CHD1L: variants seen among roughly 807,000 people sequenced by gnomAD.
CHD1L encodes the protein chromodomain helicase DNA binding protein 1 like.
Under a neutral mutation model 115.9 loss-of-function variants are expected in CHD1L, and 118 were observed. The ratio of observed to expected loss-of-function variants is 1.02; its 90% CI spans 0.88 to 1.19. The LOEUF is 1.19. Ranked by LOEUF, CHD1L falls within the 50% of genes most tolerant of loss-of-function variation. The pLI is 0.00. For missense variants in CHD1L, 1,179 were observed against 1,065.3 expected (o/e 1.11, Z -1.49); for synonymous variants, 411 against 387.1 (o/e 1.06, Z -0.72).
At chr1:147,188,693 G>A in the CHD1L span, among the ~76,000 whole-genome samples, 5,566 of 150,848 alleles carry the variant, frequency 0.037, 146 homozygotes, top group South Asian at 0.095. Flanking sequence ...AAACCTGCAC[G>A]TTGTACACAT....
the CHD1L span, chr1:147,186,280 T>G: frequency 1.0e-6 from 1 of 973,322 alleles, no homozygotes; most frequent in East Asian, 1.1e-4. Context: ...ATTTCTTTAT[T>G]GAGAAAATAA....
At chr1:147,278,514 C>T (rs1208586786) in intron 14 of CHD1L, among the ~76,000 whole-genome samples, 3 of 62,656 alleles carry the variant, frequency 4.8e-5, no homozygotes, top group East Asian at 4.2e-4. Context: ...TGAGCCACTG[C>T]GCCTGGGGGT....
Position 147,242,693 on chromosome 1 carries a change from C to T in CHD1L, c.-11C>T, listed in dbSNP as rs1342425824. The T allele has an allele frequency of 2.4e-6, 3 of 1,263,116 alleles. No individual in the cohort carries two copies. The highest frequency in any genetic ancestry group is 3.0e-6 in the Non-Finnish European group (3 of 1,001,636). The allele number at this position is 1,263,116 out of a possible 1,614,324, so 78.2% of individuals were successfully genotyped here. A position where few individuals can be genotyped will look rare whatever the true frequency, so the allele number is the denominator to read the frequency against. ...CGCTTGGCCGCGCGGGGCGGGGCCTCTACCGGCCCGATGGAGCGCGCGGGC... is the reference window on the plus strand; with the variant it reads ...CGCTTGGCCGCGCGGGGCGGGGCCTTTACCGGCCCGATGGAGCGCGCGGGC... On this transcript the variant is annotated 5_prime_UTR_variant, in exon 1 of 23. Coordinates refer to ENST00000369258, the MANE Select transcript of CHD1L (RefSeq NM_004284.6).
At position 147,268,832 on chromosome 1, in the gene CHD1L, G is replaced by C; in HGVS notation, c.1039G>C (p.Gly347Arg). ...EVGDHLTEAS[G>R]KLHLLDKLLA... ...TGGAGACCACCTGACTGAGGCTAGT[G>C]GGAAGCTTCACCTGCTGGATAAGCT... The change falls in exon 10 of 23, where the codon GGG (glycine) becomes CGG (arginine). Residue 347 changes from glycine to arginine, a missense_variant. Gly to Arg is a moderately radical substitution (Grantham distance 125). Coordinates refer to ENST00000369258, the MANE Select transcript of CHD1L (RefSeq NM_004284.6). 1 of 1,613,712 alleles carries C rather than the reference G, an allele frequency of 6.2e-7. No homozygotes were observed. The highest frequency in any genetic ancestry group is 1.1e-5 in the South Asian group (1 of 91,044).
the CHD1L span, chr1:147,225,159 A>G: frequency 9.7e-6 from 15 of 1,539,252 alleles, no homozygotes; most frequent in African/African-American, 2.7e-5. Context: ...ATTCTGTACA[A>G]GAGGTGTCTT....
the CHD1L span, among the ~76,000 whole-genome samples, chr1:147,236,795 T>G: frequency 6.6e-6 from 1 of 152,164 alleles, no homozygotes; most frequent in African/African-American, 2.4e-5. Context: ...CTGGGGCTTT[T>G]ACAGGCCTCA....
chr1:147,251,374 G>T (rs1442161420), intron 1 of CHD1L, among the ~76,000 whole-genome samples: 1 of 151,898 alleles, frequency 6.6e-6, no homozygotes, highest in Non-Finnish European at 1.5e-5. Flanking sequence ...GCATGTCTAG[G>T]GTTTTTATTT....
the CHD1L span, among the ~76,000 whole-genome samples, chr1:147,195,154 G>A: frequency 2.0e-5 from 3 of 152,072 alleles, no homozygotes; most frequent in East Asian, 1.9e-4. Flanking sequence ...CCAATCCGAC[G>A]TAGATTTGGT....
chr1:147,192,516 C>G, the CHD1L span, among the ~76,000 whole-genome samples: 2 of 151,868 alleles, frequency 1.3e-5, no homozygotes, highest in Non-Finnish European at 2.9e-5. Flanking sequence ...CTTCTCCTGC[C>G]TAATTGCCCT....
At chr1:147,176,533 C>CT in the CHD1L span, 1 of 152,182 alleles carries the variant, frequency 6.6e-6, no homozygotes, top group Admixed American at 6.5e-5. Context: ...ACTTGTTGAG[C>CT]TTTTGCTGAG....
At chr1:147,188,384 C>T in the CHD1L span, among the ~76,000 whole-genome samples, 8 of 151,554 alleles carry the variant, frequency 5.3e-5, no homozygotes, top group Non-Finnish European at 1.0e-4. Context: ...ATTAGCTGGG[C>T]GTTGTTAGTA....
At chr1:147,193,732 A>C in the CHD1L span, among the ~76,000 whole-genome samples, 1 of 152,158 alleles carries the variant, frequency 6.6e-6, no homozygotes, top group Non-Finnish European at 1.5e-5. Flanking sequence ...GTTTCAAAGA[A>C]CATCTTTATT....
the CHD1L span, among the ~76,000 whole-genome samples, chr1:147,232,256 T>A: frequency 6.6e-6 from 1 of 152,142 alleles, no homozygotes; most frequent in Admixed American, 6.5e-5. Context: ...AATAAGTCAA[T>A]CCTGACTAGT....
At chr1:147,208,641 G>T in the CHD1L span, 1 of 430,612 alleles carries the variant, frequency 2.3e-6, no homozygotes, top group Non-Finnish European at 4.4e-6. Flanking sequence ...GTTTCACCGT[G>T]TTGGCCAGGA....
intron 6 of CHD1L, among the ~76,000 whole-genome samples, chr1:147,261,735 A>AT (rs1309976730): frequency 6.6e-6 from 1 of 151,838 alleles, no homozygotes; most frequent in African/African-American, 2.4e-5. Flanking sequence ...AGGCTCAGGG[A>AT]TTAAGTGAAG....
At chr1:147,257,202 A>G (rs1002063740) in intron 5 of CHD1L, among the ~76,000 whole-genome samples, 27 of 150,200 alleles carry the variant, frequency 1.8e-4, no homozygotes, top group African/African-American at 6.3e-4. Context: ...TTCATTCTCT[A>G]TAACCTCTGT....
chr1:147,229,326 C>T, the CHD1L span, among the ~76,000 whole-genome samples: 13 of 152,026 alleles, frequency 8.6e-5, no homozygotes, highest in South Asian at 2.1e-4. Flanking sequence ...TGTAGATATG[C>T]GGCATTATTT....
At chr1:147,273,708 AAG>A (rs1677178300) in intron 12 of CHD1L, among the ~76,000 whole-genome samples, 2 of 152,230 alleles carry the variant, frequency 1.3e-5, no homozygotes, top group Non-Finnish European at 1.5e-5. Flanking sequence ...ATTAGGAAAA[AAG>A]AGATCTCTGC....
intron 7 of CHD1L, 26 bp downstream of exon 7, chr1:147,264,610 C>T: frequency 6.2e-7 from 1 of 1,609,140 alleles, no homozygotes; most frequent in Non-Finnish European, 8.5e-7. Flanking sequence ...GCAAATCATC[C>T]CCAAGAAGCC....
Sources: gnomAD v4.1 joint callset for allele counts (sites outside exome capture counted in the v4.1 genomes callset) on GRCh38, gnomAD v4.1.1 for gene constraint, MANE v1.5 for transcripts, NCBI Gene and HGNC (gene_info 2026-07-23, HGNC 2026-07-21) for gene names.